Variants in SRSF4 observed in about 807,000 individuals in gnomAD.
The protein encoded by SRSF4 is serine and arginine rich splicing factor 4, also known as serine/arginine-rich splicing factor 4.
A neutral mutation model predicts 48.8 loss-of-function variants in SRSF4; 12 were observed. The ratio of observed to expected loss-of-function variants is 0.25; its 90% confidence interval spans 0.16 to 0.40. SRSF4 has a LOEUF of 0.40. SRSF4 is among the 10% of genes least tolerant of loss of function. SRSF4 has a pLI of 1.00. For synonymous variants in SRSF4, 248 were observed against 232.5 expected (o/e 1.07, Z -0.61); for missense variants, 466 against 667.1 (o/e 0.70, Z 3.32).
At chr1:29,173,913 G>C (rs1425965567) in intron 1 of SRSF4, among the ~76,000 whole-genome samples, 1 of 151,692 alleles carries the variant, frequency 6.6e-6, no homozygotes, top group Admixed American at 6.6e-5. Context: ...CTCTTGGTGG[G>C]TGCGGTGGCT....
chr1:29,148,885 T>G lies in SRSF4; in HGVS notation c.1010A>C (p.Lys337Thr). 1.2e-6 allele frequency: 2 copies of G among 1,604,654 alleles called. No individual in the cohort carries two copies. Among genetic ancestry groups the G allele is most frequent in the Non-Finnish European group, 1.7e-6 (2 of 1,172,992 alleles). ...CCTGCTCCGGCTCCTGCTGCCCCCT[T>G]TGCTCCTGCTCCGGCTCCGACTCTG... ...LRQSRSRSRS[K>T]GGSRSRSRSR... The change falls in exon 6 of 6, where the codon AAA becomes ACA. Residue 337 changes from lysine to threonine, a missense_variant. Lys to Thr is a moderately conservative substitution (Grantham distance 78). This residue lies in a region of SRSF4 where 402 missense variants were observed against 437.0 expected (regional missense o/e 0.92). Transcript: ENST00000373795.
chr1:29,174,823 G>A lies in SRSF4; in HGVS notation c.107+6823C>T, dbSNP rs373841002. ...TGAGTAGCTGGGACTACAGGCGTGC[G>A]CCATCATGCCCAGCTAATTTTTGTA... On this transcript the variant is annotated intron_variant, in intron 1 of 5. Transcript: ENST00000373795. Among the ~76,000 whole-genome samples, 12 of 151,608 alleles carry A rather than the reference G, an allele frequency of 7.9e-5. No homozygotes were observed. In the East Asian group the frequency reaches 1.2e-3, roughly 15 times the overall value.
At chr1:29,160,598 T>A (rs1202247064) in intron 1 of SRSF4, 81 bp from the exon 2 acceptor site, 1 of 1,456,702 alleles carries the variant, frequency 6.9e-7, no homozygotes, top group African/African-American at 1.5e-5. Context: ...GCAATGAGGT[T>A]CATGCTTAGC....
chr1:29,176,766 C>T (rs1217244046), intron 1 of SRSF4, among the ~76,000 whole-genome samples: 2 of 151,958 alleles, frequency 1.3e-5, no homozygotes, highest in Non-Finnish European at 1.5e-5. Context: ...TAAACAAGGG[C>T]GAAAACAAAA....
chr1:29,158,442 T>G (rs1343232614), intron 3 of SRSF4, among the ~76,000 whole-genome samples: 4 of 151,674 alleles, frequency 2.6e-5, no homozygotes, highest in Non-Finnish European at 5.9e-5. Flanking sequence ...CCTTTTTTTT[T>G]TTTTTGAGAC....
intron 1 of SRSF4, among the ~76,000 whole-genome samples, chr1:29,161,317 T>C (rs182207243): frequency 6.0e-4 from 92 of 152,322 alleles, no homozygotes; most frequent in African/African-American, 2.1e-3. Flanking sequence ...GCCCTGTAAA[T>C]TATGTTTTCA....
rs1672339263 is a variant in SRSF4, at chr1:29,148,413, G to C, written c.1482C>G (p.Ser494=). 1.3e-6 allele frequency: 2 copies of C among 1,593,096 alleles called. No homozygotes were observed. Among genetic ancestry groups the C allele is most frequent in the Non-Finnish European group, 1.7e-6 (2 of 1,169,082 alleles). ...TTCCAGCTGTGGCCATAGCCAGTTA[G>C]GACCTTGAGTGGGACCTAGATCTAG... The part of the protein sequence containing the change: ...SRSRSRSHSR[S] The change falls in exon 6 of 6, where the codon TCC becomes TCG. Residue 494 remains serine, a synonymous_variant. Coordinates refer to ENST00000373795, the MANE Select transcript of SRSF4 (RefSeq NM_005626.5).
In SRSF4 at chr1:29,160,345, C is replaced by T. The variant is rs751920942; in HGVS notation, c.250+30G>A. ...TTAGCATGATAACAAAAGCACGTTA[C>T]TGATAAAAGTATGCCCTTTGAATGC... On this transcript the variant is annotated intron_variant, in intron 2 of 5. Transcript: ENST00000373795. 8 of 1,583,418 alleles carry T rather than the reference C, an allele frequency of 5.1e-6. No individual in the cohort carries two copies. The African/African-American group carries it at 5.4e-5, about 11-fold the overall frequency.
chr1:29,174,051 T>A (rs964308520), intron 1 of SRSF4, among the ~76,000 whole-genome samples: 1 of 151,356 alleles, frequency 6.6e-6, no homozygotes, highest in African/African-American at 2.4e-5. Context: ...TAGCGGGGTG[T>A]GGTGGCAGGC....
At chr1:29,149,595 C>CG (rs756146459) in intron 5 of SRSF4, among the ~76,000 whole-genome samples, 1 of 150,282 alleles carries the variant, frequency 6.7e-6, no homozygotes, top group Non-Finnish European at 1.5e-5. Flanking sequence ...GCAGGAGAAT[C>CG]GCTTGAACCC....
intron 1 of SRSF4, chr1:29,168,885 T>G (rs1490104971): frequency 1.3e-5 from 2 of 152,174 alleles, no homozygotes; most frequent in Non-Finnish European, 2.9e-5. Context: ...GCGTGAATGG[T>G]AGGAGGGAAA....
chr1:29,161,524 A>G (rs777802709), intron 1 of SRSF4, among the ~76,000 whole-genome samples: 33 of 152,250 alleles, frequency 2.2e-4, no homozygotes, highest in Non-Finnish European at 4.3e-4. Flanking sequence ...ACACACTGAC[A>G]CTACAAACAA....
rs1672351757 is a variant in SRSF4 at position 29,148,833 on chromosome 1, C to T, written c.1062G>A (p.Arg354=). ...CCTCTCTGCTTCTCTTCCTGCCCTT[C>T]CTCTTGTCCTTGCTCTTGCTGCGGC... ...SRSRSKSKDK[R]KGRKRSREES... The change falls in exon 6 of 6, where the codon AGG becomes AGA. Residue 354 remains arginine, a synonymous_variant. Transcript: ENST00000373795. The T allele has an allele frequency of 1.2e-6, 2 of 1,608,296 alleles. No homozygotes were observed. The highest frequency in any genetic ancestry group is 1.1e-5 in the South Asian group (1 of 90,718).
At chr1:29,179,117 G>A (rs1672915162) in intron 1 of SRSF4, among the ~76,000 whole-genome samples, 1 of 152,060 alleles carries the variant, frequency 6.6e-6, no homozygotes, top group South Asian at 2.1e-4. Context: ...CTTTTGGGTT[G>A]CTCACTTCTT....
chr1:29,158,433 CT>C (rs71586891), intron 3 of SRSF4, among the ~76,000 whole-genome samples: 208 of 143,118 alleles, frequency 1.5e-3, no homozygotes, highest in Middle Eastern at 3.5e-3. Flanking sequence ...TCTTGTAACC[CT>C]TTTTTTTTTT....
At position 29,168,029 on chromosome 1, in the gene SRSF4, T is replaced by TTAA. The variant is rs140180703; in HGVS notation, c.108-7513_108-7512insTTA. The stretch of plus-strand genomic sequence containing the variant: ...TCTAATTCCTTTTTTTTTTTTTTTT[T>TTAA]AAAAAAAACATAGTCTCGCTCTGTC... On this transcript the variant is annotated intron_variant, in intron 1 of 5. Coordinates refer to ENST00000373795, the MANE Select transcript of SRSF4 (RefSeq NM_005626.5). Among the ~76,000 whole-genome samples, 39 of 141,196 alleles carry TTAA rather than the reference T, an allele frequency of 2.8e-4. No homozygotes were observed. The East Asian group carries it at 3.3e-3, about 12-fold the overall frequency. The allele number at this position is 141,196 out of a possible 152,430, so 92.6% of individuals were successfully genotyped here.
rs11539231 is a variant in SRSF4, at chr1:29,148,560, T to G, written c.1335A>C (p.Arg445Ser). ...GTNQETRSRS[R>S]SNSKSKPNLP... ...GGTTTGGTTTCGATTTGGAATTGGA[T>G]CTCGACCTGGACCGGGTCTCCTGAT... The change falls in exon 6 of 6, where the codon AGA (arginine) becomes AGC (serine). Residue 445 changes from arginine (R) to serine (S), a missense_variant. This residue lies in a region of SRSF4 where 402 missense variants were observed against 437.0 expected (regional missense o/e 0.92). Coordinates refer to ENST00000373795, the MANE Select transcript of SRSF4 (RefSeq NM_005626.5). The G allele has an allele frequency of 2.5e-6, 4 of 1,613,968 alleles. No homozygotes were observed. In the African/African-American group the frequency reaches 5.3e-5, roughly 22 times the overall value.
chr1:29,174,884 G>C (rs1203185117), intron 1 of SRSF4, among the ~76,000 whole-genome samples: 1 of 151,250 alleles, frequency 6.6e-6, no homozygotes, highest in East Asian at 2.0e-4. Context: ...ATGTTGGCCA[G>C]GATGGTCTCA....
chr1:29,166,196 T>C (rs1201236946), intron 1 of SRSF4: 2 of 152,150 alleles, frequency 1.3e-5, no homozygotes, highest in East Asian at 1.9e-4. Flanking sequence ...TGGCATTCAG[T>C]GAACAGGAAT....
Sources: allele counts gnomAD v4.1 joint callset (sites outside exome capture counted in the v4.1 genomes callset), GRCh38; gene constraint gnomAD v4.1.1; regional missense constraint gnomAD v4.1.1; transcripts MANE v1.5; gene names NCBI Gene and HGNC (gene_info 2026-07-23, HGNC 2026-07-21).